Variants in ZBBX observed in about 807,000 individuals in gnomAD.
ZBBX encodes the protein zinc finger B-box domain-containing protein 1.
ZBBX carries 101 observed loss-of-function variants against 108.5 expected under a neutral mutation model. The ratio of observed to expected loss-of-function variants is 0.93; its 90% CI spans 0.79 to 1.10. The LOEUF is 1.10. Ranked by LOEUF, ZBBX falls within the 50% of genes least tolerant of loss-of-function variation. The probability of loss-of-function intolerance (pLI) is 0.00; values close to 1 mark genes in which losing one functional copy is unlikely to be tolerated. For synonymous variants in ZBBX, 356 were observed against 323.4 expected, an observed-to-expected ratio of 1.10 and a Z score of -1.08; for missense variants, 1,009 against 941.4, an observed-to-expected ratio of 1.07 and a Z score of -0.94.
the ZBBX span, among the ~76,000 whole-genome samples, chr3:167,215,224 G>A: frequency 6.6e-6 from 1 of 151,360 alleles, no homozygotes. Flanking sequence ...TGTAAAATAG[G>A]CCACTAGCTA....
Position 167,298,465 on chromosome 3 carries a change from A to G in ZBBX, c.1726-7T>C. ...AGGCTATTTCTTGTAACAACTAAGAAACAAAATATTCAACAATATTATTTT... is the reference window on the plus strand; with the variant it reads ...AGGCTATTTCTTGTAACAACTAAGAGACAAAATATTCAACAATATTATTTT... On this transcript the variant is annotated splice_region_variant and splice_polypyrimidine_tract_variant and intron_variant, in intron 17 of 21. Transcript: ENST00000675490. 6.8e-7 allele frequency: 1 copy of G among 1,467,010 alleles called. No individual in the cohort carries two copies. Among genetic ancestry groups the G allele is most frequent in the Middle Eastern group, 2.1e-4 (1 of 4,672 alleles). The allele number at this position is 1,467,010 out of a possible 1,614,324, so 90.9% of individuals were successfully genotyped here. A position where few individuals can be genotyped will look rare whatever the true frequency, so the allele number is the denominator to read the frequency against.
At chr3:167,385,623 A>T (rs1157483026) in intron 1 of ZBBX, among the ~76,000 whole-genome samples, 3 of 151,572 alleles carry the variant, frequency 2.0e-5, no homozygotes, top group Admixed American at 6.6e-5. Context: ...TGTACACAAA[A>T]TTTTTTTTCC....
At chr3:167,320,225 T>G (rs1430375821) in intron 12 of ZBBX, among the ~76,000 whole-genome samples, 1 of 132,058 alleles carries the variant, frequency 7.6e-6, no homozygotes, top group Non-Finnish European at 1.6e-5. Context: ...AAAAAAGAGA[T>G]GTTCAAAGCA....
At chr3:167,384,475 G>A (rs773365887), upstream of ZBBX, among the ~76,000 whole-genome samples, 17 of 152,176 alleles carry the variant, frequency 1.1e-4, no homozygotes, top group Admixed American at 2.0e-4. Flanking sequence ...GTGGGGTCAA[G>A]AAGGCAGGGC....
At chr3:167,275,006 G>C (rs1727254435) in intron 20 of ZBBX, among the ~76,000 whole-genome samples, 1 of 152,140 alleles carries the variant, frequency 6.6e-6, no homozygotes, top group Admixed American at 6.5e-5. Context: ...TGCGGCATCG[G>C]AAATTCATTT....
intron 1 of ZBBX, among the ~76,000 whole-genome samples, chr3:167,394,230 T>A (rs891822907): frequency 1.3e-5 from 2 of 151,932 alleles, no homozygotes; most frequent in Non-Finnish European, 2.9e-5. Context: ...AACTGAACGT[T>A]TCAAAGGGTT....
chr3:167,231,055 T>A, the ZBBX span, among the ~76,000 whole-genome samples: 1 of 151,750 alleles, frequency 6.6e-6, no homozygotes, highest in East Asian at 1.9e-4. Context: ...GCCTGAGCAA[T>A]TAGGTAAATA....
At chr3:167,195,685 T>C in the ZBBX span, among the ~76,000 whole-genome samples, 1 of 152,232 alleles carries the variant, frequency 6.6e-6, no homozygotes, top group Non-Finnish European at 1.5e-5. Flanking sequence ...AAAATCATTG[T>C]ATATGCTGTT....
intron 20 of ZBBX, among the ~76,000 whole-genome samples, chr3:167,277,706 C>T (rs550501714): frequency 3.3e-5 from 5 of 152,194 alleles, no homozygotes; most frequent in Non-Finnish European, 4.4e-5. Context: ...AGAAAGTCAA[C>T]AAGGATACCC....
intron 20 of ZBBX, among the ~76,000 whole-genome samples, chr3:167,270,047 G>A (rs1023602949): frequency 2.6e-5 from 4 of 152,166 alleles, no homozygotes; most frequent in African/African-American, 7.2e-5. Context: ...CTGTTCCAAA[G>A]CATACATGCA....
rs371975467 is a variant in ZBBX, at chr3:167,327,839, G to C, written c.862+103C>G. ...TGAGGCAGGAGAATTACTTGAACCC[G>C]GAAGGTGGAGGTTGCAGTAAGCCAA... On this transcript the variant is annotated intron_variant, in intron 11 of 21. Transcript: ENST00000675490. 5.1e-5 allele frequency: 58 copies of C among 1,136,284 alleles called. No homozygotes were observed. The African/African-American group carries it at 8.2e-4, about 16-fold the overall frequency. The allele number at this position is 1,136,284 out of a possible 1,614,324, so 70.4% of individuals were successfully genotyped here.
intron 1 of ZBBX, among the ~76,000 whole-genome samples, chr3:167,386,875 A>T (rs1208443390): frequency 6.6e-6 from 1 of 152,038 alleles, no homozygotes. Flanking sequence ...CAAGAGTTAC[A>T]AGGTTTGTTT....
At chr3:167,304,664 C>T (rs922292271) in intron 17 of ZBBX, among the ~76,000 whole-genome samples, 1 of 152,016 alleles carries the variant, frequency 6.6e-6, no homozygotes, top group Non-Finnish European at 1.5e-5. Flanking sequence ...CAAACCTATG[C>T]TAAATGAAAG....
intron 20 of ZBBX, among the ~76,000 whole-genome samples, chr3:167,245,304 A>G (rs1721378077): frequency 6.6e-6 from 1 of 152,196 alleles, no homozygotes; most frequent in South Asian, 2.1e-4. Context: ...CGGAGCTTGC[A>G]GTGAGCTGAG....
downstream of ZBBX, among the ~76,000 whole-genome samples, chr3:167,237,759 T>C (rs1666758265): frequency 6.6e-6 from 1 of 151,948 alleles, no homozygotes; most frequent in African/African-American, 2.4e-5. Context: ...ATATTGGAAG[T>C]CAAATGACAA....
rs1307200776 is a variant in ZBBX, at chr3:167,279,719, A to C, written c.2254+2519T>G. ...TGCCATCCCCATCAAGCTACCAATG[A>C]CTTTCTTCACAGAATTGGAAAAAAC... On this transcript the variant is annotated intron_variant, in intron 20 of 21. Transcript: ENST00000675490. Among the ~76,000 whole-genome samples the C allele has an allele frequency of 6.5e-3, 986 of 152,036 alleles. 4 individuals are homozygous for C. Among genetic ancestry groups the C allele is most frequent in the Middle Eastern group, 0.031 (9 of 290 alleles).
rs1413913329 is a variant in ZBBX at position 167,240,880 on chromosome 3, T to G, written c.2433A>C (p.Ser811=). 1 of 1,613,494 alleles carries G rather than the reference T, an allele frequency of 6.2e-7. No individual in the cohort carries two copies. The highest frequency in any genetic ancestry group is 1.7e-5 in the Admixed American group (1 of 60,008). Residue 811 remains serine (S), a synonymous_variant, in exon 22 of 22, where the codon TCA becomes TCC. Transcript: ENST00000675490. ...CCTCATCTGTACTGCTCTCAGAAAG[T>G]GACAGCAAAGACTGAATTTTGGTAT... is the stretch of plus-strand genomic sequence containing the variant. The part of the protein sequence containing the change: ...GRDTKIQSLL[S]LSESSTDEEE...
the ZBBX span, among the ~76,000 whole-genome samples, chr3:167,189,992 T>C: frequency 5.3e-5 from 8 of 152,370 alleles, no homozygotes; most frequent in African/African-American, 1.9e-4. Flanking sequence ...TAGAGCTACC[T>C]TACTTTTTCA....
rs576283745 is a variant in ZBBX at position 167,369,680 on chromosome 3, T to C, written c.69-1106A>G. Among the ~76,000 whole-genome samples, 7 of 152,182 alleles carry C rather than the reference T, an allele frequency of 4.6e-5. No individual in the cohort carries two copies. The South Asian group carries it at 6.2e-4, about 14-fold the overall frequency. ...TAGATGAGCATAAAGGTAATTGAAA[T>C]ATAGTGGAATAGTGCTGTCATTGGG... On this transcript the variant is annotated intron_variant, in intron 4 of 21. Transcript: ENST00000675490.
Sources: allele counts gnomAD v4.1 joint callset (sites outside exome capture counted in the v4.1 genomes callset), GRCh38; gene constraint gnomAD v4.1.1; transcripts MANE v1.5; gene names NCBI Gene and HGNC (gene_info 2026-07-23, HGNC 2026-07-21).